BBS9: variants seen among roughly 807,000 people sequenced by gnomAD.
BBS9 encodes the protein protein PTHB1.
A neutral mutation model predicts 117.7 loss-of-function variants in BBS9; 89 were observed. That is an observed-to-expected ratio of 0.76 (90% confidence interval 0.64 to 0.90). BBS9 has a LOEUF of 0.90. BBS9 is among the 40% of genes least tolerant of loss of function. The pLI is 0.00. For missense variants in BBS9, 982 were observed against 1,042.2 expected (o/e 0.94, Z 0.80); for synonymous variants, 379 against 370.9 (o/e 1.02, Z -0.25).
intron 19 of BBS9, among the ~76,000 whole-genome samples, chr7:33,453,244 C>G (rs1406897801): frequency 6.6e-6 from 1 of 152,086 alleles, no homozygotes; most frequent in Non-Finnish European, 1.5e-5. Flanking sequence ...CCCCACTCAG[C>G]AAAGCAGCTG....
intron 5 of BBS9, among the ~76,000 whole-genome samples, chr7:33,204,361 A>T (rs1325404792): frequency 1.3e-5 from 2 of 150,594 alleles, no homozygotes; most frequent in Non-Finnish European, 3.0e-5. Flanking sequence ...GAGTCGAGAT[A>T]ACACCACTGC....
chr7:33,380,901 C>T (rs1824886236), intron 17 of BBS9: 1 of 152,134 alleles, frequency 6.6e-6, no homozygotes, highest in Non-Finnish European at 1.5e-5. Flanking sequence ...TTACCTGGGC[C>T]TAGATGTGGG....
chr7:33,291,911 G>T (rs1037787433), intron 9 of BBS9, among the ~76,000 whole-genome samples: 39 of 152,166 alleles, frequency 2.6e-4, no homozygotes, highest in African/African-American at 9.4e-4. Context: ...CTTTAGGGCC[G>T]CTCCACTTTC....
intron 4 of BBS9, among the ~76,000 whole-genome samples, chr7:33,171,036 A>G (rs1337610160): frequency 6.6e-6 from 1 of 150,666 alleles, no homozygotes; most frequent in Admixed American, 6.6e-5. Context: ...GCCCAAGGTA[A>G]TTTACAGATT....
At chr7:33,375,047 G>A (rs1223356357) in intron 17 of BBS9, among the ~76,000 whole-genome samples, 1 of 151,642 alleles carries the variant, frequency 6.6e-6, no homozygotes, top group African/African-American at 2.4e-5. Flanking sequence ...TTTATGATAC[G>A]AATACAAGCA....
chr7:33,430,639 A>T (rs1166776029), intron 19 of BBS9, among the ~76,000 whole-genome samples: 1 of 152,160 alleles, frequency 6.6e-6, no homozygotes, highest in Admixed American at 6.5e-5. Flanking sequence ...GTTTTTCCTT[A>T]TCTCTGCTTC....
At chr7:33,289,840 A>G (rs1803651962) in intron 9 of BBS9, among the ~76,000 whole-genome samples, 1 of 152,092 alleles carries the variant, frequency 6.6e-6, no homozygotes, top group African/African-American at 2.4e-5. Context: ...TCAAGAGATC[A>G]GGACCATCCT....
At chr7:33,253,765 AG>A (rs1461160069) in intron 5 of BBS9, among the ~76,000 whole-genome samples, 1 of 152,176 alleles carries the variant, frequency 6.6e-6, no homozygotes, top group African/African-American at 2.4e-5. Context: ...TGCTACAAAG[AG>A]GGGAGGGAAG....
chr7:33,298,835 C>G (rs888811479), intron 9 of BBS9, among the ~76,000 whole-genome samples: 5 of 152,150 alleles, frequency 3.3e-5, no homozygotes, highest in South Asian at 4.1e-4. Context: ...GAACTGTAGT[C>G]CACATAGAGG....
intron 19 of BBS9, among the ~76,000 whole-genome samples, chr7:33,405,399 G>A (rs1192193110): frequency 6.6e-6 from 1 of 151,992 alleles, no homozygotes; most frequent in East Asian, 1.9e-4. Flanking sequence ...CTATTGATTG[G>A]AATAGTTTCA....
chr7:33,290,044 CA>C (rs202030600), intron 9 of BBS9, among the ~76,000 whole-genome samples: 49,635 of 141,682 alleles, frequency 0.35, 8,544 homozygotes, highest in East Asian at 0.48. Flanking sequence ...GACTCTATCT[CA>C]AAAAAAAAAA....
intron 9 of BBS9, among the ~76,000 whole-genome samples, chr7:33,303,153 T>C (rs1254268424): frequency 6.6e-6 from 1 of 152,202 alleles, no homozygotes; most frequent in East Asian, 1.9e-4. Context: ...TAATCAGTTC[T>C]AAGTTTTTGC....
At chr7:33,333,559 G>A (rs1814609799) in intron 9 of BBS9, among the ~76,000 whole-genome samples, 1 of 151,596 alleles carries the variant, frequency 6.6e-6, no homozygotes. Flanking sequence ...AAAAGTGCTC[G>A]ACATCACTAA....
chr7:33,600,760 G>A (rs1863673305), intron 21 of BBS9, among the ~76,000 whole-genome samples: 1 of 152,058 alleles, frequency 6.6e-6, no homozygotes, highest in Non-Finnish European at 1.5e-5. Context: ...TATGGCTAAG[G>A]CTGGGGCTTC....
intron 1 of BBS9, among the ~76,000 whole-genome samples, chr7:33,143,017 A>T (rs947899215): frequency 2.6e-5 from 4 of 151,522 alleles, no homozygotes; most frequent in Non-Finnish European, 5.9e-5. Context: ...TCGCCCAGGC[A>T]GGAGTGCAGT....
At chr7:33,274,083 A>C (rs1177663293) in intron 9 of BBS9, 127 bp downstream of exon 9, 1 of 949,778 alleles carries the variant, frequency 1.1e-6, no homozygotes, top group Non-Finnish European at 1.6e-6. Context: ...ATGAATGTCA[A>C]TAATAAAAGT....
At chr7:33,184,993 C>A (rs910983143) in intron 5 of BBS9, among the ~76,000 whole-genome samples, 11 of 152,120 alleles carry the variant, frequency 7.2e-5, no homozygotes, top group Admixed American at 1.3e-4. Flanking sequence ...AGGTTTCCTC[C>A]CCTCTTTAGA....
At chr7:33,312,609 A>G (rs1488717558) in intron 9 of BBS9, among the ~76,000 whole-genome samples, 1 of 152,180 alleles carries the variant, frequency 6.6e-6, no homozygotes, top group Non-Finnish European at 1.5e-5. Flanking sequence ...TTTCATTTTT[A>G]TCATAATTTT....
chr7:33,395,348 T>C (rs1827774763), intron 19 of BBS9, among the ~76,000 whole-genome samples: 1 of 152,208 alleles, frequency 6.6e-6, no homozygotes, highest in Non-Finnish European at 1.5e-5. Flanking sequence ...TATTTTATTA[T>C]AACATTTTCA....
Sources: allele counts gnomAD v4.1 joint callset (sites outside exome capture counted in the v4.1 genomes callset), GRCh38; gene constraint gnomAD v4.1.1; transcripts MANE v1.5; gene names NCBI Gene and HGNC (gene_info 2026-07-23, HGNC 2026-07-21).